The following NTM variants were observed in gnomAD, a reference collection of about 807,000 sequenced individuals.
The protein encoded by NTM is IgLON family member 2.
NTM carries 13 observed loss-of-function variants against 42.1 expected under a neutral mutation model. That is an observed-to-expected ratio of 0.31 (90% CI 0.20 to 0.49). The LOEUF is 0.49. Ranked by LOEUF, NTM falls within the 20% of genes least tolerant of loss-of-function variation. The pLI is 0.99. For synonymous variants in NTM, 187 were observed against 179.2 expected (o/e 1.04, Z -0.35); for missense variants, 373 against 452.8 (o/e 0.82, Z 1.60).
chr11:131,700,555 G>A (rs1279234792), intron 1 of NTM, among the ~76,000 whole-genome samples: 1 of 152,178 alleles, frequency 6.6e-6, no homozygotes, highest in Non-Finnish European at 1.5e-5. Flanking sequence ...TTACAATAAT[G>A]GCAAAGACTT....
chr11:131,959,609 C>A (rs1200300304), intron 2 of NTM, among the ~76,000 whole-genome samples: 1 of 152,162 alleles, frequency 6.6e-6, no homozygotes, highest in Non-Finnish European at 1.5e-5. Context: ...GCACTCCAGC[C>A]TGAGTGACAG....
chr11:131,754,931 A>G (rs2083122953), intron 1 of NTM, among the ~76,000 whole-genome samples: 1 of 152,246 alleles, frequency 6.6e-6, no homozygotes, highest in Non-Finnish European at 1.5e-5. Flanking sequence ...GGCCAGATCC[A>G]GAAGAGTACA....
At chr11:132,215,842 T>G (rs1287020819) in intron 4 of NTM, among the ~76,000 whole-genome samples, 1 of 152,196 alleles carries the variant, frequency 6.6e-6, no homozygotes, top group African/African-American at 2.4e-5. Flanking sequence ...CTTGGTCTTT[T>G]CAGGAGGAAG....
At chr11:132,141,490 T>A (rs1016543348) in intron 2 of NTM, among the ~76,000 whole-genome samples, 1 of 152,172 alleles carries the variant, frequency 6.6e-6, no homozygotes, top group Non-Finnish European at 1.5e-5. Context: ...TTTTAGAGCA[T>A]TGGAACAATA....
In NTM at chr11:132,330,204, C is replaced by T. The variant is rs191072575; in HGVS notation, c.967+19C>T. The T allele has an allele frequency of 1.5e-4, 234 of 1,551,172 alleles. 2 individuals carry two copies. The East Asian group carries it at 2.7e-3, about 18-fold the overall frequency. On this transcript the variant is annotated intron_variant, in intron 8 of 8. Coordinates refer to ENST00000683400, the MANE Select transcript of NTM (RefSeq NM_001352005.2). ...TGGAAAGGTTTGTATATTTTTCAGA[C>T]AGCTGCTGCCTTGGTGGGTGTGGGG...
At chr11:132,172,640 A>G (rs1222090244) in intron 3 of NTM, among the ~76,000 whole-genome samples, 2 of 152,234 alleles carry the variant, frequency 1.3e-5, no homozygotes, top group Non-Finnish European at 2.9e-5. Context: ...CCCAGCATGT[A>G]GCCTCACAAG....
rs575380473 is a variant in NTM, at chr11:132,193,366, A to G, written c.401-18656A>G. Among the ~76,000 whole-genome samples, 3 of 152,248 alleles carry G rather than the reference A, an allele frequency of 2.0e-5. No individual in the cohort carries two copies. In the East Asian group the frequency reaches 5.8e-4, roughly 29 times the overall value. Reference sequence around the variant, plus strand: ...AACAAGAAGATCTCTGAAAACCATAAAATTGCATGGAAGTTAAACAACCTG... The same window carrying G: ...AACAAGAAGATCTCTGAAAACCATAGAATTGCATGGAAGTTAAACAACCTG... On this transcript the variant is annotated intron_variant, in intron 3 of 8. Coordinates refer to ENST00000683400, the MANE Select transcript of NTM (RefSeq NM_001352005.2).
intron 1 of NTM, among the ~76,000 whole-genome samples, chr11:131,667,149 C>G (rs756870649): frequency 3.3e-5 from 5 of 152,068 alleles, no homozygotes; most frequent in Non-Finnish European, 5.9e-5. Context: ...CCTGGGATTC[C>G]TTCATTTAAA....
chr11:131,984,637 G>A (rs1277271232), intron 2 of NTM: 1 of 152,182 alleles, frequency 6.6e-6, no homozygotes, highest in African/African-American at 2.4e-5. Flanking sequence ...GCATGTTGGG[G>A]TGTTTGGCAG....
chr11:132,279,230 A>G (rs1447684092), intron 4 of NTM, among the ~76,000 whole-genome samples: 1 of 152,176 alleles, frequency 6.6e-6, no homozygotes, highest in Non-Finnish European at 1.5e-5. Flanking sequence ...CTTTTAATAT[A>G]TTACATTCTG....
intron 3 of NTM, among the ~76,000 whole-genome samples, chr11:132,155,283 G>A (rs1039660036): frequency 6.6e-6 from 1 of 152,126 alleles, no homozygotes; most frequent in Non-Finnish European, 1.5e-5. Flanking sequence ...AAGTGTTTTT[G>A]TGTCCCATAA....
At chr11:131,380,763 T>C in intron 1 of NTM, among the ~76,000 whole-genome samples, 1 of 152,178 alleles carries the variant, frequency 6.6e-6, no homozygotes. Context: ...TCCCACTAGG[T>C]ATTTCAGCTG....
At chr11:131,642,189 G>A (rs1486716758) in intron 1 of NTM, among the ~76,000 whole-genome samples, 1 of 152,180 alleles carries the variant, frequency 6.6e-6, no homozygotes, top group East Asian at 1.9e-4. Flanking sequence ...ACAGTGCTAA[G>A]CAGGCAACAT....
At chr11:131,790,722 C>G (rs1333157736) in intron 1 of NTM, among the ~76,000 whole-genome samples, 1 of 152,178 alleles carries the variant, frequency 6.6e-6, no homozygotes, top group South Asian at 2.1e-4. Context: ...ATATCTAGTC[C>G]TCTTACAGCT....
rs77397622 is a variant in NTM, at chr11:132,199,243, G to A, written c.401-12779G>A. On this transcript the variant is annotated intron_variant, in intron 3 of 8. Coordinates refer to ENST00000683400, the MANE Select transcript of NTM (RefSeq NM_001352005.2). ...GTGACACCACAGGTAGGGATGTTTG[G>A]TGACTGCAAAGCATGGTACATAGAG... Among the ~76,000 whole-genome samples the A allele has an allele frequency of 2.3e-3, 352 of 152,302 alleles. 1 individual carries two copies. Among genetic ancestry groups the A allele is most frequent in the African/African-American group, 8.1e-3 (335 of 41,572 alleles).
intron 1 of NTM, among the ~76,000 whole-genome samples, chr11:131,743,685 TA>T (rs1204541217): frequency 3.9e-5 from 6 of 152,338 alleles, no homozygotes; most frequent in African/African-American, 1.4e-4. Context: ...TTTCCTTCCA[TA>T]GCTCAAGGAA....
intron 2 of NTM, among the ~76,000 whole-genome samples, chr11:131,993,953 A>C (rs2058516039): frequency 6.6e-6 from 1 of 150,734 alleles, no homozygotes; most frequent in South Asian, 2.1e-4. Context: ...CAGTGAGCTG[A>C]GATCATGCCA....
At chr11:131,847,120 T>G (rs976245143) in intron 1 of NTM, among the ~76,000 whole-genome samples, 1 of 152,156 alleles carries the variant, frequency 6.6e-6, no homozygotes, top group Non-Finnish European at 1.5e-5. Flanking sequence ...ATGGTTATCT[T>G]TTCTATAAAG....
At chr11:132,222,294 C>T (rs759156829) in intron 4 of NTM, among the ~76,000 whole-genome samples, 2 of 152,212 alleles carry the variant, frequency 1.3e-5, no homozygotes, top group Non-Finnish European at 2.9e-5. Context: ...ACGGACACAG[C>T]CTCCCTCTGA....
Sources: gnomAD v4.1 joint callset for allele counts (sites outside exome capture counted in the v4.1 genomes callset) on GRCh38, gnomAD v4.1.1 for gene constraint, MANE v1.5 for transcripts, NCBI Gene and HGNC (gene_info 2026-07-23, HGNC 2026-07-21) for gene names.